The following WDR47 variants were observed in gnomAD, a reference collection of about 807,000 sequenced individuals.
WDR47 encodes WD repeat-containing protein 47.
In WDR47, 32 loss-of-function variants were observed where a neutral mutation model predicts 97.2. The ratio of observed to expected loss-of-function variants is 0.33; its 90% CI spans 0.25 to 0.44. WDR47 has a LOEUF of 0.44. WDR47 is among the 20% of genes least tolerant of loss of function. The probability of loss-of-function intolerance (pLI) is 1.00; values close to 1 mark genes in which losing one functional copy is unlikely to be tolerated. For missense variants in WDR47, 782 were observed against 1,102.3 expected, an observed-to-expected ratio of 0.71 and a Z score of 4.11; for synonymous variants, 375 against 373.5, an observed-to-expected ratio of 1.00 and a Z score of -0.05.
At chr1:109,040,638 C>A (rs1663288725) in intron 1 of WDR47, among the ~76,000 whole-genome samples, 1 of 152,076 alleles carries the variant, frequency 6.6e-6, no homozygotes, top group Non-Finnish European at 1.5e-5. Context: ...AATAATGTTT[C>A]TTTCCTATTG....
chr1:109,009,559 T>C (rs549435097), intron 5 of WDR47, among the ~76,000 whole-genome samples: 14 of 152,312 alleles, frequency 9.2e-5, no homozygotes, highest in Non-Finnish European at 1.3e-4. Flanking sequence ...ATTTGTGATA[T>C]AGTCATACAA....
At chr1:109,004,208 T>C (rs1275242653) in intron 6 of WDR47, among the ~76,000 whole-genome samples, 1 of 150,238 alleles carries the variant, frequency 6.7e-6, no homozygotes, top group Non-Finnish European at 1.5e-5. Context: ...GAGCTTGCAG[T>C]GAGCCGAGAT....
chr1:108,983,849 C>T (rs1366679117), intron 10 of WDR47, among the ~76,000 whole-genome samples: 3 of 151,680 alleles, frequency 2.0e-5, no homozygotes, highest in Non-Finnish European at 4.4e-5. Context: ...ATGTAATAAA[C>T]ATATAATGTG....
chr1:109,039,254 CT>C (rs751521674), intron 1 of WDR47, among the ~76,000 whole-genome samples: 44 of 146,066 alleles, frequency 3.0e-4, no homozygotes, highest in Middle Eastern at 3.5e-3. Flanking sequence ...GGTATAAATC[CT>C]TTTTTTTTTT....
intron 2 of WDR47, among the ~76,000 whole-genome samples, chr1:109,018,632 T>G (rs1462241058): frequency 6.6e-6 from 1 of 151,962 alleles, no homozygotes; most frequent in African/African-American, 2.4e-5. Context: ...CTGGGAAACA[T>G]GGCGAAACCC....
intron 8 of WDR47, among the ~76,000 whole-genome samples, chr1:108,991,856 T>A (rs186131046): frequency 2.0e-5 from 3 of 151,924 alleles, no homozygotes; most frequent in Admixed American, 1.3e-4. Context: ...AGAGACGGGG[T>A]CTCCCTATGT....
intron 13 of WDR47, among the ~76,000 whole-genome samples, chr1:108,980,488 G>C (rs546175741): frequency 6.6e-6 from 1 of 152,258 alleles, no homozygotes; most frequent in South Asian, 2.1e-4. Context: ...CAGCACTTTG[G>C]GAGGTGGAGG....
rs1660248154 is a variant in WDR47, at chr1:109,002,082, G to A, written c.1433+142C>T. The A allele has an allele frequency of 1.5e-5, 14 of 938,832 alleles. No homozygotes were observed. In the South Asian group the frequency reaches 3.0e-4, roughly 20 times the overall value. 58.2% of individuals were successfully genotyped at this position (938,832 alleles called of 1,614,324 possible). On this transcript the variant is annotated intron_variant, in intron 7 of 14. Transcript: ENST00000369962. ...ATGAGCCCTCGGAATGCTGTGACTA[G>A]AAAGCAATATGTAACTCCACATTAC...
Position 108,988,550 on chromosome 1 carries a change from C to T in WDR47, c.1768-1870G>A, listed in dbSNP as rs967257235. ...TACAAAAATTAGCCGGGTGTGGTGGCGCATGCCCGTAGTCACAGCTACTCA... is the reference window on the plus strand; with the variant it reads ...TACAAAAATTAGCCGGGTGTGGTGGTGCATGCCCGTAGTCACAGCTACTCA... On this transcript the variant is annotated intron_variant, in intron 9 of 14. Transcript: ENST00000369962. 5.9e-5 allele frequency among the ~76,000 whole-genome samples: 9 copies of T among 151,512 alleles called. No individual in the cohort carries two copies. In the South Asian group the frequency reaches 1.0e-3, roughly 18 times the overall value.
At chr1:108,974,269 C>A (rs1657716255) in intron 14 of WDR47, among the ~76,000 whole-genome samples, 2 of 152,120 alleles carry the variant, frequency 1.3e-5, no homozygotes, top group African/African-American at 2.4e-5. Context: ...GCGGATGGAT[C>A]ACTTGAGCCC....
At chr1:109,019,731 A>G (rs913791614) in intron 2 of WDR47, among the ~76,000 whole-genome samples, 1 of 152,230 alleles carries the variant, frequency 6.6e-6, no homozygotes, top group Non-Finnish European at 1.5e-5. Context: ...TTGAGAATAC[A>G]GTTTACACTG....
intron 12 of WDR47, among the ~76,000 whole-genome samples, chr1:108,982,192 T>C (rs975229489): frequency 3.9e-5 from 6 of 152,036 alleles, no homozygotes; most frequent in East Asian, 1.9e-4. Flanking sequence ...ATCAAATAGA[T>C]TGACAATTTT....
At chr1:109,023,165 T>C (rs1245522407) in intron 2 of WDR47, among the ~76,000 whole-genome samples, 190 bp downstream of exon 2, 1 of 151,958 alleles carries the variant, frequency 6.6e-6, no homozygotes, top group Non-Finnish European at 1.5e-5. Context: ...ATCTCGCCAC[T>C]GCACTCCAGC....
At chr1:109,024,096 G>T (rs1264626827) in intron 1 of WDR47, among the ~76,000 whole-genome samples, 1 of 152,214 alleles carries the variant, frequency 6.6e-6, no homozygotes, top group Non-Finnish European at 1.5e-5. Flanking sequence ...TAGTCTAGCA[G>T]TAATACCTAA....
At chr1:108,972,044 CAAAT>C (rs1229284220) in intron 14 of WDR47, among the ~76,000 whole-genome samples, 1 of 152,018 alleles carries the variant, frequency 6.6e-6, no homozygotes, top group African/African-American at 2.4e-5. Flanking sequence ...GACTAGTATC[CAAAT>C]AGTCATTCAA....
At chr1:109,004,347 G>T (rs930957841) in intron 6 of WDR47, among the ~76,000 whole-genome samples, 5 of 151,932 alleles carry the variant, frequency 3.3e-5, no homozygotes. Flanking sequence ...AACATGCAAT[G>T]TCACCAGTAA....
At chr1:109,005,847 G>A (rs1057280716) in intron 5 of WDR47, among the ~76,000 whole-genome samples, 1 of 152,032 alleles carries the variant, frequency 6.6e-6, no homozygotes. Context: ...ACAGCCTGGT[G>A]ACAGAGTGAG....
chr1:108,977,974 AAC>A (rs1256581842), intron 13 of WDR47, among the ~76,000 whole-genome samples: 1 of 149,582 alleles, frequency 6.7e-6, no homozygotes, highest in Non-Finnish European at 1.5e-5. Context: ...ACAAAAGCGA[AAC>A]ACTCTCTCAA....
intron 3 of WDR47, among the ~76,000 whole-genome samples, chr1:109,016,263 C>T (rs113580234): frequency 7.8e-4 from 118 of 152,122 alleles, no homozygotes; most frequent in African/African-American, 2.6e-3. Context: ...ATTAGCCTAG[C>T]GGGGTGGCAC....
Sources: gnomAD v4.1 joint callset for allele counts (sites outside exome capture counted in the v4.1 genomes callset) on GRCh38, gnomAD v4.1.1 for gene constraint, MANE v1.5 for transcripts, NCBI Gene and HGNC (gene_info 2026-07-23, HGNC 2026-07-21) for gene names.